Variants in OPA1 observed in about 807,000 individuals in gnomAD.
The protein encoded by OPA1 is OPA1 mitochondrial dynamin like GTPase, also known as dynamin-like GTPase OPA1, mitochondrial.
In OPA1, 59 loss-of-function variants were observed where a neutral mutation model predicts 152.9. That is an observed-to-expected ratio of 0.39 (90% confidence interval 0.31 to 0.48). OPA1 has a LOEUF of 0.48. Ranked by LOEUF, OPA1 falls within the 20% of genes least tolerant of loss-of-function variation. OPA1 has a pLI of 0.96. For synonymous variants in OPA1, 400 were observed against 389.9 expected (o/e 1.03, Z -0.31); for missense variants, 1,008 against 1,216.8 (o/e 0.83, Z 2.55).
rs34565427 is a variant in OPA1 at position 193,634,282 on chromosome 3, CA to C, written c.844-1126del. On this transcript the variant is annotated intron_variant, in intron 8 of 30. Transcript: ENST00000361510. ...AAATGTGTAGACAAGCAACTACTTA[CA>C]AAAAAAAAACCTGTTTAGACATATT... Among the ~76,000 whole-genome samples the C allele has an allele frequency of 1.0e-4, 15 of 148,648 alleles. 1 individual carries two copies. Among genetic ancestry groups the C allele is most frequent in the East Asian group, 4.0e-4 (2 of 4,998 alleles).
At chr3:193,599,332 A>G (rs1042483782) in intron 1 of OPA1, among the ~76,000 whole-genome samples, 7 of 150,922 alleles carry the variant, frequency 4.6e-5, no homozygotes, top group South Asian at 2.1e-4. Flanking sequence ...TGAGCCTTCT[A>G]TGCCAGCTCC....
chr3:193,680,936 G>A (rs1425921745), intron 29 of OPA1, among the ~76,000 whole-genome samples: 1 of 152,140 alleles, frequency 6.6e-6, no homozygotes, highest in Non-Finnish European at 1.5e-5. Context: ...TAATTTAAGT[G>A]TGGAGCATCT....
At chr3:193,647,260 ACTT>A (rs1385545993) in intron 19 of OPA1, 80 bp downstream of exon 19, 1 of 863,238 alleles carries the variant, frequency 1.2e-6, no homozygotes, top group African/African-American at 1.7e-5. Context: ...ACGATTCTGT[ACTT>A]CTTTCCTTTA....
intron 18 of OPA1, among the ~76,000 whole-genome samples, chr3:193,646,757 T>C (rs1734704464): frequency 6.6e-6 from 1 of 152,084 alleles, no homozygotes; most frequent in Non-Finnish European, 1.5e-5. Context: ...CGGACGACAG[T>C]GCAAGATTCC....
intron 29 of OPA1, among the ~76,000 whole-genome samples, chr3:193,671,672 A>G (rs971480344): frequency 5.3e-5 from 8 of 152,370 alleles, no homozygotes; most frequent in Admixed American, 3.9e-4. Flanking sequence ...ATGATAATGC[A>G]TGATTACAAC....
Position 193,694,394 on chromosome 3 carries a change from A to G in OPA1, c.*6-212A>G, listed in dbSNP as rs368843873. Among the ~76,000 whole-genome samples the G allele has an allele frequency of 5.3e-5, 8 of 152,202 alleles. No homozygotes were observed. In the East Asian group the frequency reaches 9.6e-4, roughly 18 times the overall value. ...ACAGTCATACACAGATTCTTCTTCAATTAATTTTAGTATATGCTTTTAACT... is the reference window on the plus strand; with the variant it reads ...ACAGTCATACACAGATTCTTCTTCAGTTAATTTTAGTATATGCTTTTAACT... On this transcript the variant is annotated intron_variant, in intron 30 of 30. Coordinates refer to ENST00000361510, the MANE Select transcript of OPA1 (RefSeq NM_130837.3).
At chr3:193,609,625 CAG>C (rs1378175730) in intron 1 of OPA1, among the ~76,000 whole-genome samples, 6 of 152,216 alleles carry the variant, frequency 3.9e-5, no homozygotes, top group Non-Finnish European at 5.9e-5. Context: ...TAATATCCTG[CAG>C]AGTGTTTTCC....
At chr3:193,671,270 A>G (rs1717858807) in intron 29 of OPA1, among the ~76,000 whole-genome samples, 1 of 152,228 alleles carries the variant, frequency 6.6e-6, no homozygotes. Flanking sequence ...ATATGCAAGA[A>G]GACTCTAAAA....
Position 193,632,841 on chromosome 3 carries a change from G to A in OPA1, c.843+1176G>A, listed in dbSNP as rs532520739. On this transcript the variant is annotated intron_variant, in intron 8 of 30. Transcript: ENST00000361510. Reference sequence around the variant, plus strand: ...AGCCATGATTGCTCCCTGGCCAATAGAGCAAGACCCTGTCTGGAAGAAAAC... The same window carrying A: ...AGCCATGATTGCTCCCTGGCCAATAAAGCAAGACCCTGTCTGGAAGAAAAC... 2.6e-3 allele frequency among the ~76,000 whole-genome samples: 395 copies of A among 152,334 alleles called. 2 individuals are homozygous for A. Among genetic ancestry groups the A allele is most frequent in the Non-Finnish European group, 4.4e-3 (302 of 68,030 alleles).
chr3:193,637,889 T>C (rs762190957), intron 10 of OPA1, 63 bp from the exon 11 acceptor site: 5 of 1,291,518 alleles, frequency 3.9e-6, no homozygotes, highest in Non-Finnish European at 4.5e-6. Context: ...GCATTACAAA[T>C]AGGTTTTAAT....
chr3:193,642,046 G>T (rs1295923113), intron 11 of OPA1, among the ~76,000 whole-genome samples: 2 of 152,220 alleles, frequency 1.3e-5, no homozygotes, highest in Non-Finnish European at 2.9e-5. Flanking sequence ...AAACCGCGAA[G>T]TGGAGGTTGC....
At chr3:193,610,020 T>C (rs11706716) in intron 1 of OPA1, among the ~76,000 whole-genome samples, 70,598 of 152,060 alleles carry the variant, frequency 0.46, 16,657 homozygotes, top group Non-Finnish European at 0.47. Flanking sequence ...TTGTCTGAAG[T>C]CTTCTTCTCT....
intron 29 of OPA1, among the ~76,000 whole-genome samples, chr3:193,670,489 C>G (rs1217792300): frequency 6.6e-6 from 1 of 151,712 alleles, no homozygotes; most frequent in African/African-American, 2.4e-5. Flanking sequence ...ACCTCTGCCT[C>G]CCGAGTAGCT....
At chr3:193,654,818 A>T in intron 21 of OPA1, 44 bp from the exon 22 acceptor site, 1 of 1,586,236 alleles carries the variant, frequency 6.3e-7, no homozygotes, top group South Asian at 1.1e-5. Context: ...TTTAAAAACA[A>T]TATTATATTT....
intron 1 of OPA1, among the ~76,000 whole-genome samples, chr3:193,599,180 A>G (rs185853535): frequency 1.6e-4 from 24 of 151,888 alleles, no homozygotes; most frequent in African/African-American, 5.8e-4. Context: ...TATCTTTACT[A>G]TTTTCTTTAA....
intron 21 of OPA1, among the ~76,000 whole-genome samples, chr3:193,653,186 TG>T (rs1160679192): frequency 6.6e-6 from 1 of 152,226 alleles, no homozygotes; most frequent in East Asian, 1.9e-4. Flanking sequence ...TTTGTCCTTT[TG>T]GGCCCCAGTC....
At chr3:193,647,728 A>T (rs938204979) in intron 19 of OPA1, among the ~76,000 whole-genome samples, 5 of 152,184 alleles carry the variant, frequency 3.3e-5, no homozygotes, top group Non-Finnish European at 7.4e-5. Flanking sequence ...TACCCAAATA[A>T]CTTATCCTAT....
chr3:193,618,851 TG>T lies in OPA1; in HGVS notation c.611-17del. On this transcript the variant is annotated splice_polypyrimidine_tract_variant and intron_variant, in intron 5 of 30. Coordinates refer to ENST00000361510, the MANE Select transcript of OPA1 (RefSeq NM_130837.3). ...GACATCACTGGAGAATGTAAAGGGT[TG>T]CATATTTATCTTTAAGGTTCTCCGG... is the stretch of plus-strand genomic sequence containing the variant. The T allele has an allele frequency of 6.2e-7, 1 of 1,602,878 alleles. No individual in the cohort carries two copies. Among genetic ancestry groups the T allele is most frequent in the Non-Finnish European group, 8.5e-7 (1 of 1,169,780 alleles).
chr3:193,659,570 A>T lies in OPA1; in HGVS notation c.2520+9A>T, dbSNP rs778719260. ...ATCGGACCCAAGAACAGGTAGAAAT[A>T]AACAAGTCTCTAGTCTTATGATGAT... On this transcript the variant is annotated intron_variant, in intron 25 of 30. Coordinates refer to ENST00000361510, the MANE Select transcript of OPA1 (RefSeq NM_130837.3). 6.2e-7 allele frequency: 1 copy of T among 1,603,930 alleles called. No individual in the cohort carries two copies. Among genetic ancestry groups the T allele is most frequent in the South Asian group, 1.1e-5 (1 of 90,288 alleles).
Sources: gnomAD v4.1 joint callset for allele counts (sites outside exome capture counted in the v4.1 genomes callset) on GRCh38, gnomAD v4.1.1 for gene constraint, MANE v1.5 for transcripts, NCBI Gene and HGNC (gene_info 2026-07-23, HGNC 2026-07-21) for gene names.